Variants in NFAT5 observed in about 807,000 individuals in gnomAD.
NFAT5 encodes the protein nuclear factor of activated T cells 5.
In NFAT5, 31 loss-of-function variants were observed where a neutral mutation model predicts 166.5. The observed-to-expected ratio is 0.19, with a 90% confidence interval of 0.14 to 0.25. The LOEUF is 0.25. Among genes scored for constraint, NFAT5 ranks in the 10% least tolerant of loss-of-function variants. NFAT5 has a pLI of 1.00. For missense variants in NFAT5, 1,449 were observed against 1,821.8 expected (o/e 0.80, Z 3.72); for synonymous variants, 612 against 639.7 (o/e 0.96, Z 0.65).
rs1158070271 is a variant in NFAT5, at chr16:69,655,713, A to C, written c.1110A>C (p.Arg370=). 6.2e-7 allele frequency: 1 copy of C among 1,614,034 alleles called. No homozygotes were observed. ...ATCAGGCCTGCAGAGTAACTGGACG[A>C]AATACAACTCCTTGCAAAGAAGTGG... is the stretch of plus-strand genomic sequence containing the variant. ...GFYQACRVTG[R]NTTPCKEVDI... Residue 370 remains arginine, a synonymous_variant, in exon 6 of 15, where the codon CGA becomes CGC. Coordinates refer to ENST00000349945, the MANE Select transcript of NFAT5 (RefSeq NM_138713.4).
At chr16:69,656,830 G>A (rs771015240) in intron 6 of NFAT5, among the ~76,000 whole-genome samples, 7 of 152,238 alleles carry the variant, frequency 4.6e-5, no homozygotes, top group Admixed American at 6.5e-5. Flanking sequence ...TAAATTCACC[G>A]TCTGTTGTTA....
At position 69,566,202 on chromosome 16, in the gene NFAT5, C is replaced by G. The variant is rs2016020761; in HGVS notation, c.-100C>G. The G allele has an allele frequency of 9.2e-7, 1 of 1,085,678 alleles. No individual in the cohort carries two copies. The highest frequency in any genetic ancestry group is 1.3e-6 in the Non-Finnish European group (1 of 753,898). 67.3% of individuals were successfully genotyped at this position (1,085,678 alleles called of 1,614,324 possible). A position where few individuals can be genotyped will look rare whatever the true frequency, so the allele number is the denominator to read the frequency against. The stretch of plus-strand genomic sequence containing the variant: ...GGCAGCGGCAGCCGCCCTCGCGTCG[C>G]CGCCCCCGGTTCGGTGCCCGCGGTC... On this transcript the variant is annotated 5_prime_UTR_variant, in exon 1 of 15. Transcript: ENST00000349945. This position sits in a 1 kb window ranked among gnomAD's most constrained non-coding sequence, Gnocchi z 5.7.
At chr16:69,567,305 C>T (rs2016123894) in intron 1 of NFAT5, among the ~76,000 whole-genome samples, 1 of 152,196 alleles carries the variant, frequency 6.6e-6, no homozygotes, top group South Asian at 2.1e-4. Flanking sequence ...CTGATCCCTA[C>T]TCAGGTGAAA....
intron 2 of NFAT5, among the ~76,000 whole-genome samples, chr16:69,580,876 C>T (rs1181102320): frequency 6.6e-6 from 1 of 151,936 alleles, no homozygotes; most frequent in Non-Finnish European, 1.5e-5. Flanking sequence ...AGGATGGTCT[C>T]GATCTCCTGA....
intron 2 of NFAT5, among the ~76,000 whole-genome samples, chr16:69,613,364 T>C (rs1330452732): frequency 6.6e-6 from 1 of 152,198 alleles, no homozygotes; most frequent in Non-Finnish European, 1.5e-5. Flanking sequence ...AATATATGTT[T>C]GAGTTTATCA....
rs557246112 is a variant in NFAT5, at chr16:69,691,970, G to T, written c.2145G>T (p.Gln715His). The T allele has an allele frequency of 1.2e-6, 2 of 1,614,146 alleles. No homozygotes were observed. The change falls in exon 13 of 15, where the codon CAG (glutamine) becomes CAT (histidine). Residue 715 changes from glutamine (Q) to histidine (H), a missense_variant. Gln to His is a conservative substitution (Grantham distance 24). Around this residue, in one of 7 missense-constraint regions of NFAT5, gnomAD observed 891 missense variants for 993.0 expected, o/e 0.90. Transcript: ENST00000349945. ...TTCCAGCAGTTTCTGCTTCTAGTCA[G>T]CTGCCCAACAGCGATGCACTATTGC... ...GTFPAVSASS[Q>H]LPNSDALLQQ...
chr16:69,635,003 T>TAG (rs2034893493), intron 3 of NFAT5, among the ~76,000 whole-genome samples: 1 of 151,600 alleles, frequency 6.6e-6, no homozygotes, highest in African/African-American at 2.4e-5. Context: ...CATGTGTTTC[T>TAG]AACCTCCTTT....
At chr16:69,585,136 T>G (rs2031970558) in intron 2 of NFAT5, among the ~76,000 whole-genome samples, 1 of 152,098 alleles carries the variant, frequency 6.6e-6, no homozygotes. Context: ...TAGCTGGGAC[T>G]ACAGGCAGAT....
chr16:69,670,627 C>A (rs28414463), intron 9 of NFAT5, among the ~76,000 whole-genome samples: 8 of 152,300 alleles, frequency 5.3e-5, no homozygotes, highest in African/African-American at 1.7e-4. Flanking sequence ...TATTGAGAAT[C>A]TGTTATGTTT....
At chr16:69,593,493 T>A (rs1168561033) in intron 2 of NFAT5, among the ~76,000 whole-genome samples, 1 of 145,434 alleles carries the variant, frequency 6.9e-6, no homozygotes, top group Admixed American at 6.9e-5. Flanking sequence ...TTTTTTTTTT[T>A]AACTAGAGAC....
chr16:69,584,218 T>A (rs2031889081), intron 2 of NFAT5, among the ~76,000 whole-genome samples: 1 of 152,122 alleles, frequency 6.6e-6, no homozygotes, highest in Non-Finnish European at 1.5e-5. Flanking sequence ...ACAGCAAGAC[T>A]CTGTCTCAAA....
In NFAT5 at chr16:69,659,884, T is replaced by A; in HGVS notation, c.1354T>A (p.Ser452Thr). Residue 452 changes from serine (S) to threonine (T), a missense_variant, in exon 7 of 15, where the codon TCT becomes ACT. Transcript: ENST00000349945. Reference protein sequence around the residue: ...GSTLTLQTPSSPILCTQPAGV... With the variant: ...GSTLTLQTPSTPILCTQPAGV... Reference sequence around the variant, plus strand: ...CACTTTGACACTGCAAACACCCTCTTCTCCAATTTTGTGTAGTAAGTAAGA... The same window carrying A: ...CACTTTGACACTGCAAACACCCTCTACTCCAATTTTGTGTAGTAAGTAAGA... 6.2e-7 allele frequency: 1 copy of A among 1,606,794 alleles called. No homozygotes were observed. The highest frequency in any genetic ancestry group is 8.5e-7 in the Non-Finnish European group (1 of 1,176,066).
intron 2 of NFAT5, among the ~76,000 whole-genome samples, chr16:69,572,285 G>A (rs559699697): frequency 1.4e-4 from 21 of 152,226 alleles, no homozygotes; most frequent in Admixed American, 5.2e-4. Context: ...TAATTAACAT[G>A]TGACACTCTT....
At chr16:69,688,227 C>CAAACAAA (rs1309361684) in intron 11 of NFAT5, among the ~76,000 whole-genome samples, 235 of 114,220 alleles carry the variant, frequency 2.1e-3, no homozygotes, top group African/African-American at 6.9e-3. Flanking sequence ...AAAAAAAAAA[C>CAAACAAA]CAGGAGTTTG....
At chr16:69,695,946 A>G (rs2037753194) in intron 14 of NFAT5, among the ~76,000 whole-genome samples, 1 of 152,188 alleles carries the variant, frequency 6.6e-6, no homozygotes. Context: ...AACAGAAGTG[A>G]ATTTCATGTT....
Position 69,693,152 on chromosome 16 carries a change from T to A in NFAT5, c.3327T>A (p.Ser1109=). The A allele has an allele frequency of 6.2e-7, 1 of 1,614,144 alleles. No individual in the cohort carries two copies. The change falls in exon 13 of 15, where the codon TCT becomes TCA. Residue 1109 remains serine (S), a synonymous_variant. Coordinates refer to ENST00000349945, the MANE Select transcript of NFAT5 (RefSeq NM_138713.4). The part of the protein sequence containing the change: ...AQNLSQETQG[S]LFHSPNPIVH... Reference sequence around the variant, plus strand: ...ACCTTTCCCAGGAAACTCAAGGTTCTCTCTTTCATAGTCCAAATCCTATTG... The same window carrying A: ...ACCTTTCCCAGGAAACTCAAGGTTCACTCTTTCATAGTCCAAATCCTATTG...
intron 3 of NFAT5, among the ~76,000 whole-genome samples, chr16:69,638,305 C>A (rs1314163338): frequency 6.6e-6 from 1 of 152,150 alleles, no homozygotes; most frequent in Admixed American, 6.6e-5. Context: ...TTTGTCTAGG[C>A]AGTTTATTTT....
chr16:69,590,689 G>T (rs1033868900), intron 2 of NFAT5, among the ~76,000 whole-genome samples: 1 of 152,172 alleles, frequency 6.6e-6, no homozygotes, highest in Admixed American at 6.6e-5. Flanking sequence ...TAGTTGTTCA[G>T]GATAGGGAGA....
At chr16:69,624,128 G>C (rs1315581594) in intron 2 of NFAT5, among the ~76,000 whole-genome samples, 2 of 152,142 alleles carry the variant, frequency 1.3e-5, no homozygotes, top group Non-Finnish European at 2.9e-5. Flanking sequence ...GACAGATGCT[G>C]AATTTGCCAC....
Sources: allele counts gnomAD v4.1 joint callset (sites outside exome capture counted in the v4.1 genomes callset), GRCh38; gene constraint gnomAD v4.1.1; regional missense constraint gnomAD v4.1.1; non-coding constraint Gnocchi (gnomAD v3.1); transcripts MANE v1.5; gene names NCBI Gene and HGNC (gene_info 2026-07-23, HGNC 2026-07-21).